Variants in C12orf56 observed in about 807,000 individuals in gnomAD.
The protein encoded by C12orf56 is chromosome 12 open reading frame 56.
A neutral mutation model predicts 69.9 loss-of-function variants in C12orf56; 71 were observed. The observed-to-expected ratio is 1.02, with a 90% CI of 0.84 to 1.24. The LOEUF is 1.24. C12orf56 is among the 50% of genes most tolerant of loss of function. The probability of loss-of-function intolerance (pLI) is 0.00; values close to 1 mark genes in which losing one functional copy is unlikely to be tolerated. For missense variants in C12orf56, 732 were observed against 738.5 expected (o/e 0.99, Z 0.10); for synonymous variants, 276 against 274.1 (o/e 1.01, Z -0.07).
At chr12:64,295,986 A>G (rs928839231) in intron 6 of C12orf56, among the ~76,000 whole-genome samples, 17 of 152,156 alleles carry the variant, frequency 1.1e-4, no homozygotes, top group African/African-American at 4.1e-4. Flanking sequence ...GAGTACCTAG[A>G]GAACTGGTAA....
intron 5 of C12orf56, among the ~76,000 whole-genome samples, chr12:64,305,391 GTTTGT>G (rs1464391190): frequency 1.3e-5 from 2 of 152,174 alleles, no homozygotes; most frequent in Admixed American, 1.3e-4. Context: ...TTGTTTGTTT[GTTTGT>G]TTTGAGATAG....
At chr12:64,287,093 T>G (rs2038213215) in intron 6 of C12orf56, among the ~76,000 whole-genome samples, 1 of 151,824 alleles carries the variant, frequency 6.6e-6, no homozygotes, top group Non-Finnish European at 1.5e-5. Flanking sequence ...AAAAATTAGC[T>G]GGGTTTGGTA....
At chr12:64,284,776 C>T (rs1199577701) in intron 7 of C12orf56, 23 bp from the exon 8 acceptor site, 17 of 1,518,452 alleles carry the variant, frequency 1.1e-5, no homozygotes, top group Non-Finnish European at 1.5e-5. Flanking sequence ...CGATAAAAGG[C>T]AAAGAAATGG....
Position 64,267,275 on chromosome 12 carries a change from T to C in C12orf56, c.1777A>G (p.Met593Val), listed in dbSNP as rs1349131353. Residue 593 changes from methionine to valine, a missense_variant, in exon 13 of 13, where the codon ATG becomes GTG. Coordinates refer to ENST00000543942, the MANE Select transcript of C12orf56 (RefSeq NM_001170633.2). ...YREEFRYFIH[M>V]PALQKRLPLC... ...GGGAGCCTTTTCTGCAAGGCTGGCA[T>C]GTGAATAAAGTACCTGCAAATCATA... 11 of 1,609,624 alleles carry C rather than the reference T, an allele frequency of 6.8e-6. No individual in the cohort carries two copies. In the South Asian group the frequency reaches 1.2e-4, roughly 18 times the overall value.
chr12:64,340,359 A>G (rs1393749900), intron 2 of C12orf56, among the ~76,000 whole-genome samples: 4 of 152,162 alleles, frequency 2.6e-5, no homozygotes, highest in Non-Finnish European at 5.9e-5. Flanking sequence ...CCCAGGATCA[A>G]TACTTTCTAT....
intron 2 of C12orf56, among the ~76,000 whole-genome samples, 155 bp from the exon 3 acceptor site, chr12:64,331,187 A>G (rs2038926007): frequency 7.2e-6 from 1 of 139,554 alleles, no homozygotes; most frequent in South Asian, 2.2e-4. Flanking sequence ...ATGGAGCAAA[A>G]AGAACTTTGA....
chr12:64,369,767 G>A (rs1011544472), intron 1 of C12orf56, among the ~76,000 whole-genome samples: 2 of 151,804 alleles, frequency 1.3e-5, no homozygotes, highest in African/African-American at 4.8e-5. Context: ...TGGATCAGAA[G>A]GTCAAGAGTT....
chr12:64,361,012 G>A (rs1319219260), intron 1 of C12orf56, among the ~76,000 whole-genome samples: 4 of 152,124 alleles, frequency 2.6e-5, no homozygotes, highest in African/African-American at 9.7e-5. Flanking sequence ...TTGAAGTCGG[G>A]AGTTTGAGAC....
chr12:64,358,479 A>ATC (rs1565773423), intron 1 of C12orf56, among the ~76,000 whole-genome samples: 14 of 25,052 alleles, frequency 5.6e-4, no homozygotes, highest in African/African-American at 9.0e-4. Flanking sequence ...TAATAATAAT[A>ATC]ATAATCATCA....
At chr12:64,281,818 A>G (rs1477708624) in intron 8 of C12orf56, among the ~76,000 whole-genome samples, 3 of 152,176 alleles carry the variant, frequency 2.0e-5, no homozygotes, top group Non-Finnish European at 4.4e-5. Context: ...AAAACAAAAC[A>G]ATTAAAGGCA....
Position 64,343,983 on chromosome 12 carries a change from C to T in C12orf56, c.415+8911G>A, listed in dbSNP as rs542947037. On this transcript the variant is annotated intron_variant, in intron 2 of 12. Coordinates refer to ENST00000543942, the MANE Select transcript of C12orf56 (RefSeq NM_001170633.2). ...AGGATGAGTCCAGGGGCCCACTGGACCCACTGTAACTCGAAGCTGAGCTAA... is the reference window on the plus strand; with the variant it reads ...AGGATGAGTCCAGGGGCCCACTGGATCCACTGTAACTCGAAGCTGAGCTAA... 4.6e-5 allele frequency among the ~76,000 whole-genome samples: 7 copies of T among 152,198 alleles called. No homozygotes were observed. The South Asian group carries it at 1.5e-3, about 32-fold the overall frequency.
At position 64,330,978 on chromosome 12, in the gene C12orf56, A is replaced by G; in HGVS notation, c.470T>C (p.Leu157Pro). The part of the protein sequence containing the change: ...AFWRSKESRS[L>P]KESPLRDQQE... The stretch of plus-strand genomic sequence containing the variant: ...ATCTCACCTGAGAGGAGATTCTTTC[A>G]GACTTCTGGACTCTTTGCTTCTCCA... Residue 157 changes from leucine to proline, a missense_variant, in exon 3 of 13, where the codon CTG becomes CCG. Leu to Pro is a moderately conservative substitution (Grantham distance 98). Coordinates refer to ENST00000543942, the MANE Select transcript of C12orf56 (RefSeq NM_001170633.2). 1 of 1,555,932 alleles carries G rather than the reference A, an allele frequency of 6.4e-7. No homozygotes were observed. The highest frequency in any genetic ancestry group is 1.2e-5 in the South Asian group (1 of 83,722).
At chr12:64,299,521 G>A (rs2038416118) in intron 6 of C12orf56, among the ~76,000 whole-genome samples, 1 of 152,124 alleles carries the variant, frequency 6.6e-6, no homozygotes, top group African/African-American at 2.4e-5. Flanking sequence ...ATTGGATTAG[G>A]TTAATATTTC....
In C12orf56 at chr12:64,266,045, G is replaced by A. The variant is rs2037917232; in HGVS notation, c.*1138C>T. The stretch of plus-strand genomic sequence containing the variant: ...CTTTCTCTATGATAAAAGAGGAAGT[G>A]ACATTCTATACAGCTATGCCTGTGT... On this transcript the variant is annotated 3_prime_UTR_variant, in exon 13 of 13. Transcript: ENST00000543942. 1 of 152,204 alleles carries A rather than the reference G, an allele frequency of 6.6e-6. No homozygotes were observed. Among genetic ancestry groups the A allele is most frequent in the Non-Finnish European group, 1.5e-5 (1 of 68,030 alleles). The allele number at this position is 152,204 out of a possible 1,614,324, so 9.4% of individuals were successfully genotyped here.
At chr12:64,268,727 A>ATTT (rs1411386790) in intron 12 of C12orf56, among the ~76,000 whole-genome samples, 1 of 152,074 alleles carries the variant, frequency 6.6e-6, no homozygotes, top group African/African-American at 2.4e-5. Flanking sequence ...TAATATATAT[A>ATTT]TTTTTTTAAG....
At chr12:64,361,680 A>G (rs879063708) in intron 1 of C12orf56, among the ~76,000 whole-genome samples, 1 of 151,920 alleles carries the variant, frequency 6.6e-6, no homozygotes, top group Non-Finnish European at 1.5e-5. Flanking sequence ...AAAAATGGGC[A>G]ATCAGCAGCC....
At chr12:64,343,321 A>T (rs542985006) in intron 2 of C12orf56, among the ~76,000 whole-genome samples, 1 of 152,276 alleles carries the variant, frequency 6.6e-6, no homozygotes, top group African/African-American at 2.4e-5. Context: ...ACTAGATCCA[A>T]TCAGCATAAT....
At chr12:64,334,542 G>T (rs2038968987) in intron 2 of C12orf56, among the ~76,000 whole-genome samples, 1 of 152,064 alleles carries the variant, frequency 6.6e-6, no homozygotes. Flanking sequence ...AACAAAAAAT[G>T]TCATGTAAAT....
At chr12:64,286,199 A>G (rs956995737) in intron 6 of C12orf56, 139 bp from the exon 7 acceptor site, 2 of 594,048 alleles carry the variant, frequency 3.4e-6, no homozygotes, top group South Asian at 2.2e-5. Flanking sequence ...CACTGATACT[A>G]GCATAACCCA....
Sources: allele counts gnomAD v4.1 joint callset (sites outside exome capture counted in the v4.1 genomes callset), GRCh38; gene constraint gnomAD v4.1.1; transcripts MANE v1.5; gene names NCBI Gene and HGNC (gene_info 2026-07-23, HGNC 2026-07-21).